Variants in ADARB2 observed in about 807,000 individuals in gnomAD.
ADARB2 encodes the protein inactive double-stranded RNA-specific editase B2.
ADARB2 carries 25 observed loss-of-function variants against 62.2 expected under a neutral mutation model. The observed-to-expected ratio is 0.40, with a 90% CI of 0.29 to 0.56. ADARB2 has a LOEUF of 0.56. Ranked by LOEUF, ADARB2 falls within the 20% of genes least tolerant of loss-of-function variation. ADARB2 has a pLI of 0.43. For synonymous variants in ADARB2, 572 were observed against 500.8 expected (o/e 1.14, Z -1.90); for missense variants, 1,071 against 1,077.4 (o/e 0.99, Z 0.08).
intron 6 of ADARB2, among the ~76,000 whole-genome samples, chr10:1,220,222 ATGGTGATGATGG>A (rs1300282873): frequency 4.2e-5 from 5 of 119,284 alleles, no homozygotes; most frequent in African/African-American, 1.6e-4. Flanking sequence ...GATGATGGTG[ATGGTGATGATGG>A]TGGTGATAAT....
chr10:1,564,248 C>T (rs1011084575), intron 1 of ADARB2, among the ~76,000 whole-genome samples: 9 of 152,206 alleles, frequency 5.9e-5, no homozygotes, highest in African/African-American at 2.2e-4. Context: ...GTCCCACCAA[C>T]AGTGTAAAAG....
chr10:1,610,817 TACAG>T (rs68043652), intron 1 of ADARB2, among the ~76,000 whole-genome samples: 24,082 of 151,148 alleles, frequency 0.16, 2,012 homozygotes, highest in Non-Finnish European at 0.19. Context: ...TACAGACACA[TACAG>T]ACACAGACAT....
At chr10:1,269,750 G>A (rs1831240855) in intron 4 of ADARB2, among the ~76,000 whole-genome samples, 2 of 152,344 alleles carry the variant, frequency 1.3e-5, no homozygotes, top group South Asian at 4.1e-4. Flanking sequence ...TGGGCCTACA[G>A]AGCAGTGCCC....
At position 1,585,990 on chromosome 10, in the gene ADARB2, C is replaced by CAT. The variant is rs1564339139; in HGVS notation, c.100+151060_100+151061insAT. Among the ~76,000 whole-genome samples, 5 of 152,120 alleles carry CAT rather than the reference C, an allele frequency of 3.3e-5. No homozygotes were observed. The East Asian group carries it at 9.6e-4, about 29-fold the overall frequency. ...CGGAGCTTGCAGTGAGCCAAGATAG[C>CAT]GCCACTGCACTCCAGCCTGGGTGAC... On this transcript the variant is annotated intron_variant, in intron 1 of 9. Transcript: ENST00000381312.
At position 1,270,230 on chromosome 10, in the gene ADARB2, G is replaced by A. The variant is rs558935312; in HGVS notation, c.1192+725C>T. Among the ~76,000 whole-genome samples, 4 of 152,296 alleles carry A rather than the reference G, an allele frequency of 2.6e-5. No homozygotes were observed. The South Asian group carries it at 6.2e-4, about 24-fold the overall frequency. On this transcript the variant is annotated intron_variant, in intron 4 of 9. Transcript: ENST00000381312. The stretch of plus-strand genomic sequence containing the variant: ...AAATATGTTTGTATGTCAGCTCGAT[G>A]GTCTTTTTCCGCCTTAGATTTTGCC...
At chr10:1,372,627 G>T (rs1363055393) in intron 2 of ADARB2, among the ~76,000 whole-genome samples, 1 of 152,132 alleles carries the variant, frequency 6.6e-6, no homozygotes, top group Non-Finnish European at 1.5e-5. Context: ...CAGGGATTTG[G>T]GATCAAGAGG....
chr10:1,273,607 C>G (rs536512500), intron 3 of ADARB2, among the ~76,000 whole-genome samples: 2 of 152,250 alleles, frequency 1.3e-5, no homozygotes, highest in Admixed American at 6.5e-5. Context: ...CTGTGCCCCC[C>G]ACGACCTTGC....
chr10:1,684,012 C>T (rs1477522433), intron 1 of ADARB2, among the ~76,000 whole-genome samples: 1 of 152,212 alleles, frequency 6.6e-6, no homozygotes, highest in Non-Finnish European at 1.5e-5. Flanking sequence ...GTGTGGATGC[C>T]TGTGCGCTGT....
chr10:1,698,683 A>G (rs1018709815), intron 1 of ADARB2, among the ~76,000 whole-genome samples: 3 of 152,218 alleles, frequency 2.0e-5, no homozygotes, highest in Non-Finnish European at 4.4e-5. Context: ...GTGGAGCAGA[A>G]CATTCAAAAA....
chr10:1,638,831 T>C (rs535045237), intron 1 of ADARB2, among the ~76,000 whole-genome samples: 15 of 152,294 alleles, frequency 9.8e-5, no homozygotes, highest in African/African-American at 3.6e-4. Flanking sequence ...TCATCACTCA[T>C]CTTCTATTTG....
chr10:1,650,416 G>A (rs1834095303), intron 1 of ADARB2, among the ~76,000 whole-genome samples: 1 of 152,144 alleles, frequency 6.6e-6, no homozygotes, highest in African/African-American at 2.4e-5. Context: ...GTACTCGAGG[G>A]GCTGTGATAC....
intron 7 of ADARB2, chr10:1,215,684 G>C (rs1038824869): frequency 1.3e-4 from 20 of 152,254 alleles, no homozygotes; most frequent in African/African-American, 4.8e-4. Context: ...GTGTCCAAGG[G>C]TGTTCTGGGT....
At chr10:1,280,211 T>A (rs1311339261) in intron 3 of ADARB2, among the ~76,000 whole-genome samples, 3 of 152,152 alleles carry the variant, frequency 2.0e-5, no homozygotes, top group African/African-American at 7.2e-5. Context: ...CATCTCCAAA[T>A]ACAGCCACAC....
chr10:1,364,531 T>C (rs1347691033), intron 2 of ADARB2, among the ~76,000 whole-genome samples: 1 of 152,238 alleles, frequency 6.6e-6, no homozygotes, highest in Non-Finnish European at 1.5e-5. Flanking sequence ...GTTGGTCCTC[T>C]GTATTCCTGA....
At chr10:1,713,528 G>A (rs1032583403) in intron 1 of ADARB2, among the ~76,000 whole-genome samples, 2 of 152,144 alleles carry the variant, frequency 1.3e-5, no homozygotes, top group Non-Finnish European at 1.5e-5. Flanking sequence ...ACAGCAGGAC[G>A]GTGCTGCAAG....
At chr10:1,520,975 A>G (rs1279804148) in intron 1 of ADARB2, among the ~76,000 whole-genome samples, 1 of 152,154 alleles carries the variant, frequency 6.6e-6, no homozygotes, top group East Asian at 1.9e-4. Context: ...ACATTTCAGA[A>G]ACGTCAAATG....
intron 1 of ADARB2, among the ~76,000 whole-genome samples, chr10:1,707,207 C>T (rs12248195): frequency 0.012 from 1,898 of 152,376 alleles, 41 homozygotes; most frequent in African/African-American, 0.043. Flanking sequence ...CTCAGCACCG[C>T]GGCCCCGATC....
At chr10:1,634,072 C>G (rs1240112348) in intron 1 of ADARB2, among the ~76,000 whole-genome samples, 1 of 152,156 alleles carries the variant, frequency 6.6e-6, no homozygotes, top group Admixed American at 6.5e-5. Context: ...TCCTGGGGCC[C>G]CTCTCCCACC....
chr10:1,432,239 C>T (rs1830783501), intron 1 of ADARB2, among the ~76,000 whole-genome samples: 1 of 152,058 alleles, frequency 6.6e-6, no homozygotes, highest in Non-Finnish European at 1.5e-5. Flanking sequence ...ATGATAGAAA[C>T]ATAGCTCTCA....
Sources: allele counts gnomAD v4.1 joint callset (sites outside exome capture counted in the v4.1 genomes callset), GRCh38; gene constraint gnomAD v4.1.1; transcripts MANE v1.5; gene names NCBI Gene and HGNC (gene_info 2026-07-23, HGNC 2026-07-21).